Variants in SPATA16 observed in about 807,000 individuals in gnomAD.
SPATA16 encodes the protein spermatogenesis associated 16, also known as spermatogenesis-associated protein 16.
A neutral mutation model predicts 63.3 loss-of-function variants in SPATA16; 36 were observed. The ratio of observed to expected loss-of-function variants is 0.57; its 90% CI spans 0.44 to 0.75. SPATA16 has a LOEUF of 0.75. SPATA16 is among the 30% of genes least tolerant of loss of function. The probability of loss-of-function intolerance (pLI) is 0.00; values close to 1 mark genes in which losing one functional copy is unlikely to be tolerated. For synonymous variants in SPATA16, 203 were observed against 216.7 expected, an observed-to-expected ratio of 0.94 and a Z score of 0.56; for missense variants, 646 against 679.3, an observed-to-expected ratio of 0.95 and a Z score of 0.54.
At chr3:173,078,894 T>C (rs1447028074) in intron 2 of SPATA16, among the ~76,000 whole-genome samples, 1 of 152,140 alleles carries the variant, frequency 6.6e-6, no homozygotes, top group Non-Finnish European at 1.5e-5. Flanking sequence ...TAGTCTTTGG[T>C]AATGAGGAAT....
chr3:172,941,049 A>G (rs1327174404), intron 6 of SPATA16, among the ~76,000 whole-genome samples: 2 of 152,138 alleles, frequency 1.3e-5, no homozygotes, highest in Non-Finnish European at 2.9e-5. Flanking sequence ...AACTTCTAGG[A>G]GTGGAAAAAC....
intron 2 of SPATA16, among the ~76,000 whole-genome samples, chr3:173,100,790 G>A (rs1737472716): frequency 6.6e-6 from 1 of 151,766 alleles, no homozygotes; most frequent in Non-Finnish European, 1.5e-5. Context: ...TTAAAAAGAT[G>A]TGCTTACCAT....
In SPATA16 at chr3:173,117,439, G is replaced by A. The variant is rs751993430; in HGVS notation, c.293C>T (p.Ala98Val). Residue 98 changes from alanine (A) to valine (V), a missense_variant, in exon 2 of 11, where the codon GCA becomes GTA. Physicochemically the swap from Ala to Val is moderately conservative, Grantham distance 64. Transcript: ENST00000351008. ...GEEKPTRKKQAKITELDNQLI... is the reference protein window; with the variant it reads ...GEEKPTRKKQVKITELDNQLI... ...CTGATTGTCAAGTTCTGTTATCTTT[G>A]CCTGTTTCTTTCTAGTTGGCTTTTC... The A allele has an allele frequency of 3.1e-6, 5 of 1,613,964 alleles. No individual in the cohort carries two copies. The highest frequency in any genetic ancestry group is 1.7e-5 in the Admixed American group (1 of 59,992).
At chr3:173,097,629 A>C (rs1737390408) in intron 2 of SPATA16, among the ~76,000 whole-genome samples, 1 of 152,224 alleles carries the variant, frequency 6.6e-6, no homozygotes, top group African/African-American at 2.4e-5. Flanking sequence ...AAGCATTGAC[A>C]AAGACTTTAG....
Position 173,009,712 on chromosome 3 carries a change from T to G in SPATA16, c.848+9774A>C, listed in dbSNP as rs1735020806. On this transcript the variant is annotated intron_variant, in intron 4 of 10. Transcript: ENST00000351008. The stretch of plus-strand genomic sequence containing the variant: ...GGCTTGGGCCTCCAGTGTGCACACC[T>G]GCCTGTGTTACTGGTCATAGGCAGT... Among the ~76,000 whole-genome samples the G allele has an allele frequency of 2.0e-5, 3 of 152,242 alleles. No homozygotes were observed. In the South Asian group the frequency reaches 6.2e-4, roughly 32 times the overall value.
At chr3:173,005,927 A>G (rs532624726) in intron 4 of SPATA16, among the ~76,000 whole-genome samples, 2 of 152,310 alleles carry the variant, frequency 1.3e-5, no homozygotes, top group African/African-American at 4.8e-5. Flanking sequence ...TGTTTTTGTT[A>G]TAAGATTATA....
intron 6 of SPATA16, among the ~76,000 whole-genome samples, chr3:172,937,688 A>G (rs1733039467): frequency 6.6e-6 from 1 of 152,234 alleles, no homozygotes. Context: ...GGTAGAGTGT[A>G]AATATATATA....
intron 2 of SPATA16, among the ~76,000 whole-genome samples, chr3:173,116,376 C>T (rs1467420408): frequency 6.6e-6 from 1 of 152,174 alleles, no homozygotes; most frequent in Non-Finnish European, 1.5e-5. Flanking sequence ...ATGCACTCAT[C>T]AACAAAGCAA....
chr3:172,926,674 A>T (rs1732745107), intron 6 of SPATA16, among the ~76,000 whole-genome samples: 1 of 152,180 alleles, frequency 6.6e-6, no homozygotes, highest in Non-Finnish European at 1.5e-5. Context: ...CACCTTACAG[A>T]TGATAAGACT....
intron 1 of SPATA16, among the ~76,000 whole-genome samples, chr3:173,137,595 T>G (rs1178108987): frequency 6.6e-6 from 1 of 152,208 alleles, no homozygotes; most frequent in East Asian, 1.9e-4. Flanking sequence ...TTTCAATGTA[T>G]TTCAAGTCTT....
At chr3:172,925,557 CCCCCAGATT>C in intron 6 of SPATA16, 65 bp from the exon 7 acceptor site, 1 of 1,602,208 alleles carries the variant, frequency 6.2e-7, no homozygotes, top group Non-Finnish European at 8.5e-7. Context: ...AGGGTTTTCC[CCCCCAGATT>C]TCAGGAATTG....
At chr3:173,059,634 C>G (rs1004950096) in intron 2 of SPATA16, among the ~76,000 whole-genome samples, 17 of 151,708 alleles carry the variant, frequency 1.1e-4, no homozygotes, top group Non-Finnish European at 1.8e-4. Flanking sequence ...TAAGATTAGA[C>G]CTTTTTTGCA....
At chr3:173,095,390 A>G (rs374957547) in intron 2 of SPATA16, among the ~76,000 whole-genome samples, 2 of 152,172 alleles carry the variant, frequency 1.3e-5, no homozygotes, top group South Asian at 2.1e-4. Context: ...GTTGGCTATG[A>G]AAGTCAAGTT....
chr3:173,049,193 G>A, intron 2 of SPATA16, 99 bp from the exon 3 acceptor site: 1 of 1,299,300 alleles, frequency 7.7e-7, no homozygotes, highest in South Asian at 1.4e-5. Context: ...TATATGTTTT[G>A]CTTATGCTTG....
chr3:173,137,777 A>G (rs1181450650), intron 1 of SPATA16, among the ~76,000 whole-genome samples: 2 of 147,658 alleles, frequency 1.4e-5, no homozygotes, highest in African/African-American at 5.0e-5. Context: ...CTGTGTGTTT[A>G]TTCCTCCATT....
chr3:173,066,476 T>G (rs1736523625), intron 2 of SPATA16, among the ~76,000 whole-genome samples: 1 of 152,052 alleles, frequency 6.6e-6, no homozygotes, highest in South Asian at 2.1e-4. Context: ...GACTCCTGAC[T>G]GGGGGAAAGA....
chr3:173,090,291 G>A (rs946078480), intron 2 of SPATA16, among the ~76,000 whole-genome samples: 1 of 152,094 alleles, frequency 6.6e-6, no homozygotes, highest in East Asian at 1.9e-4. Flanking sequence ...GTCATGTGAT[G>A]TGCCTGATCC....
chr3:173,003,042 A>C (rs1734861332), intron 4 of SPATA16, among the ~76,000 whole-genome samples: 1 of 152,176 alleles, frequency 6.6e-6, no homozygotes, highest in Non-Finnish European at 1.5e-5. Context: ...AAGAAACCTG[A>C]TTATATTTGA....
chr3:173,076,890 C>T lies in SPATA16; in HGVS notation c.613-27796G>A, dbSNP rs555271866. Reference sequence around the variant, plus strand: ...CCTGCTTGGCCAGGAAGTGCATGCTCTCTGATTATAACAGGCAGCAAATCC... The same window carrying T: ...CCTGCTTGGCCAGGAAGTGCATGCTTTCTGATTATAACAGGCAGCAAATCC... On this transcript the variant is annotated intron_variant, in intron 2 of 10. Coordinates refer to ENST00000351008, the MANE Select transcript of SPATA16 (RefSeq NM_031955.6). Among the ~76,000 whole-genome samples the T allele has an allele frequency of 1.7e-4, 26 of 152,096 alleles. 1 individual carries two copies. Among genetic ancestry groups the T allele is most frequent in the Non-Finnish European group, 3.2e-4 (22 of 67,984 alleles).
Sources: gnomAD v4.1 joint callset for allele counts (sites outside exome capture counted in the v4.1 genomes callset) on GRCh38, gnomAD v4.1.1 for gene constraint, MANE v1.5 for transcripts, NCBI Gene and HGNC (gene_info 2026-07-23, HGNC 2026-07-21) for gene names.